Variants in TTC23L observed in about 807,000 individuals in gnomAD.
TTC23L encodes tetratricopeptide repeat domain 23 like.
A neutral mutation model predicts 48.1 loss-of-function variants in TTC23L; 42 were observed. That is an observed-to-expected ratio of 0.87 (90% CI 0.68 to 1.13). The LOEUF (loss-of-function observed/expected upper bound fraction) is 1.13, where lower values mean the gene tolerates loss of function less well. Ranked by LOEUF, TTC23L falls within the 50% of genes most tolerant of loss-of-function variation. The pLI is 0.00. For synonymous variants in TTC23L, 159 were observed against 157.2 expected, an observed-to-expected ratio of 1.01 and a Z score of -0.09; for missense variants, 391 against 421.0, an observed-to-expected ratio of 0.93 and a Z score of 0.62.
At chr5:34,922,462 A>T in the TTC23L span, 1 of 984,990 alleles carries the variant, frequency 1.0e-6, no homozygotes, top group Non-Finnish European at 1.6e-6. Context: ...TTATAAGCAT[A>T]TTATTTATGG....
the TTC23L span, chr5:34,907,483 TC>T: frequency 2.0e-5 from 3 of 152,210 alleles, no homozygotes; most frequent in Non-Finnish European, 2.9e-5. Flanking sequence ...TTCACTTTAC[TC>T]ATGTAATTTT....
the TTC23L span, chr5:34,917,994 T>C: frequency 6.4e-6 from 1 of 157,012 alleles, no homozygotes; most frequent in South Asian, 2.0e-4. Flanking sequence ...TTTGACTTGG[T>C]TATGAGCTAC....
chr5:34,879,609 A>G (rs1762081478), intron 8 of TTC23L, among the ~76,000 whole-genome samples: 1 of 152,240 alleles, frequency 6.6e-6, no homozygotes, highest in South Asian at 2.1e-4. Context: ...TTAGCATAAT[A>G]AGATTATTCA....
chr5:34,869,160 C>T lies in TTC23L; in HGVS notation c.949+147C>T, dbSNP rs377091710. On this transcript the variant is annotated intron_variant, in intron 8 of 10. Coordinates refer to ENST00000505624, the Ensembl canonical transcript of TTC23L. ...ACAGTCTCATACAAAATCAATTACA[C>T]ATTAATTTAAACCTGATAATATACC... The T allele has an allele frequency of 1.9e-4, 116 of 617,240 alleles. No homozygotes were observed. The African/African-American group carries it at 1.9e-3, about 10-fold the overall frequency. 38.2% of individuals were successfully genotyped at this position (617,240 alleles called of 1,614,324 possible).
chr5:34,853,484 C>T (rs529643171), intron 4 of TTC23L, among the ~76,000 whole-genome samples: 2 of 152,108 alleles, frequency 1.3e-5, no homozygotes, highest in East Asian at 3.9e-4. Context: ...GAGCTGAGAT[C>T]GCACCACTGC....
chr5:34,911,765 A>G, the TTC23L span: 7 of 1,614,202 alleles, frequency 4.3e-6, no homozygotes, highest in Non-Finnish European at 5.9e-6. Context: ...AACAGCATCA[A>G]AGGGTAACCA....
At chr5:34,843,767 C>T (rs1482235635) in intron 2 of TTC23L, among the ~76,000 whole-genome samples, 3 of 152,178 alleles carry the variant, frequency 2.0e-5, no homozygotes, top group African/African-American at 7.2e-5. Flanking sequence ...CCTCTCTCCT[C>T]AATATTTTTC....
chr5:34,911,192 C>G, the TTC23L span, among the ~76,000 whole-genome samples: 2 of 152,200 alleles, frequency 1.3e-5, no homozygotes, highest in Non-Finnish European at 2.9e-5. Context: ...GCATCCTGAA[C>G]TAACTTGAAA....
intron 2 of TTC23L, among the ~76,000 whole-genome samples, chr5:34,844,444 C>CAAAA (rs10675653): frequency 0.081 from 9,851 of 122,346 alleles, 832 homozygotes; most frequent in African/African-American, 0.17. Flanking sequence ...GCAGCAGCAG[C>CAAAA]AAAAAAAAAA....
chr5:34,855,621 T>C (rs1277340518), intron 4 of TTC23L, among the ~76,000 whole-genome samples: 2 of 152,138 alleles, frequency 1.3e-5, no homozygotes, highest in East Asian at 1.9e-4. Flanking sequence ...TAGGAAAAGA[T>C]TGGAAACAAG....
intron 4 of TTC23L, among the ~76,000 whole-genome samples, chr5:34,858,038 A>C (rs1281063991): frequency 1.3e-5 from 2 of 152,206 alleles, no homozygotes; most frequent in African/African-American, 2.4e-5. Context: ...ATCCCAACCC[A>C]AACTAAAGCA....
downstream of TTC23L, among the ~76,000 whole-genome samples, chr5:34,900,955 A>G (rs1382875686): frequency 6.6e-6 from 1 of 151,972 alleles, no homozygotes; most frequent in Non-Finnish European, 1.5e-5. Context: ...TACAGTACGT[A>G]CTCCAGTTGG....
chr5:34,858,465 A>T, intron 4 of TTC23L, among the ~76,000 whole-genome samples: 1 of 152,114 alleles, frequency 6.6e-6, no homozygotes, highest in Non-Finnish European at 1.5e-5. Flanking sequence ...TGGTTTTTTT[A>T]AAATATAAAA....
intron 9 of TTC23L, among the ~76,000 whole-genome samples, chr5:34,889,840 TTTTG>T (rs1398591280): frequency 3.3e-5 from 5 of 151,986 alleles, no homozygotes; most frequent in Non-Finnish European, 7.4e-5. Context: ...TTTTTTTTGT[TTTTG>T]TTTTTGTTTT....
chr5:34,897,129 A>G (rs1186687044), intron 10 of TTC23L, among the ~76,000 whole-genome samples: 1 of 152,192 alleles, frequency 6.6e-6, no homozygotes. Flanking sequence ...CTCATGCTGT[A>G]ATCCTAGCAC....
At chr5:34,860,209 C>T (rs1219401499) in intron 4 of TTC23L, among the ~76,000 whole-genome samples, 1 of 152,094 alleles carries the variant, frequency 6.6e-6, no homozygotes, top group East Asian at 1.9e-4. Context: ...CCTAACCATC[C>T]TGTATCCACC....
intron 4 of TTC23L, chr5:34,861,192 T>A (rs1760616108): frequency 6.6e-6 from 1 of 152,376 alleles, no homozygotes; most frequent in Non-Finnish European, 1.5e-5. Context: ...AGTCTCAATC[T>A]CCTGACCTTG....
chr5:34,880,361 A>G (rs997333294), intron 9 of TTC23L, 53 bp downstream of exon 9: 3 of 1,530,478 alleles, frequency 2.0e-6, no homozygotes, highest in Non-Finnish European at 2.6e-6. Context: ...TTAGATCACA[A>G]TAGCATTTTT....
chr5:34,864,276 C>G (rs1408114142), intron 5 of TTC23L, among the ~76,000 whole-genome samples, 161 bp from the exon 6 acceptor site: 1 of 152,188 alleles, frequency 6.6e-6, no homozygotes, highest in Non-Finnish European at 1.5e-5. Flanking sequence ...AGAATTCTTG[C>G]TTCTTGACAA....
Sources: gnomAD v4.1 joint callset for allele counts (sites outside exome capture counted in the v4.1 genomes callset) on GRCh38, gnomAD v4.1.1 for gene constraint, MANE v1.5 for transcripts, NCBI Gene and HGNC (gene_info 2026-07-23, HGNC 2026-07-21) for gene names.